PCDHA12: variants seen among roughly 807,000 people sequenced by gnomAD.
PCDHA12 encodes protocadherin alpha-12.
Under a neutral mutation model 60.0 loss-of-function variants are expected in PCDHA12, and 44 were observed. The observed-to-expected ratio is 0.73, with a 90% CI of 0.58 to 0.94. PCDHA12 has a LOEUF of 0.94. Ranked by LOEUF, PCDHA12 falls within the 40% of genes least tolerant of loss-of-function variation. The pLI, the probability that PCDHA12 is intolerant of heterozygous loss-of-function variation, is 0.00. For synonymous variants in PCDHA12, 569 were observed against 553.0 expected, an observed-to-expected ratio of 1.03 and a Z score of -0.40; for missense variants, 1,276 against 1,239.7, an observed-to-expected ratio of 1.03 and a Z score of -0.44.
chr5:140,969,557 A>G, intron 1 of PCDHA12: 2 of 1,212,410 alleles, frequency 1.6e-6, no homozygotes, highest in South Asian at 3.3e-5. Context: ...AGCCTTGTCC[A>G]TAAAATTGTT....
rs111528394 is a variant in PCDHA12 at position 140,995,338 on chromosome 5, C to T, written c.2515+12775C>T. Among the ~76,000 whole-genome samples the T allele has an allele frequency of 2.7e-4, 41 of 151,956 alleles. 1 individual carries two copies. Among genetic ancestry groups the T allele is most frequent in the Admixed American group, 6.6e-4 (10 of 15,254 alleles). On this transcript the variant is annotated intron_variant, in intron 3 of 3. Coordinates refer to ENST00000398631, the MANE Select transcript of PCDHA12 (RefSeq NM_018903.4). The stretch of plus-strand genomic sequence containing the variant: ...TGAACTAACAGGTGAGTAGTGTAGA[C>T]GGCATGGATAGGTCGGACAGAGGGA...
At position 140,877,652 on chromosome 5, in the gene PCDHA12, C is replaced by G. The variant is rs1456022709; in HGVS notation, c.2180C>G (p.Pro727Arg). Residue 727 changes from proline to arginine, a missense_variant, in exon 1 of 4, where the codon CCC (proline) becomes CGC (arginine). By Grantham distance (103) the Pro-to-Arg change is moderately radical. Coordinates refer to ENST00000398631, the MANE Select transcript of PCDHA12 (RefSeq NM_018903.4). ...ACTGCGCTGCGTTGCTCAGCGCCGC[C>G]CACCGTGAGCCGGTGCGCGCCGGGC... Reference protein sequence around the residue: ...LYTALRCSAPPTVSRCAPGKP... With the variant: ...LYTALRCSAPRTVSRCAPGKP... 1 of 1,613,520 alleles carries G rather than the reference C, an allele frequency of 6.2e-7. No homozygotes were observed. Among genetic ancestry groups the G allele is most frequent in the Non-Finnish European group, 8.5e-7 (1 of 1,179,754 alleles).
intron 1 of PCDHA12, among the ~76,000 whole-genome samples, chr5:140,956,511 T>C (rs1293826895): frequency 1.3e-5 from 2 of 152,218 alleles, no homozygotes. Flanking sequence ...TACTTGATCA[T>C]GGTGAATAAG....
In PCDHA12 at chr5:140,990,740, G is replaced by C. The variant is rs76434886; in HGVS notation, c.2515+8177G>C. Among the ~76,000 whole-genome samples the C allele has an allele frequency of 8.5e-3, 1,294 of 152,288 alleles. 21 individuals carry two copies. Among genetic ancestry groups the C allele is most frequent in the African/African-American group, 0.029 (1,222 of 41,552 alleles). ...ATCACTAGGTATATCAACAGCCCTA[G>C]GGTGGATACCTTTGAGCCTGTAAAT... On this transcript the variant is annotated intron_variant, in intron 3 of 3. Coordinates refer to ENST00000398631, the MANE Select transcript of PCDHA12 (RefSeq NM_018903.4).
At chr5:140,886,155 T>C (rs528104847) in intron 1 of PCDHA12, among the ~76,000 whole-genome samples, 1 of 152,212 alleles carries the variant, frequency 6.6e-6, no homozygotes, top group African/African-American at 2.4e-5. Context: ...CACCTTTTTA[T>C]AGCCACATCT....
At chr5:140,965,037 C>T (rs1260839947) in intron 1 of PCDHA12, among the ~76,000 whole-genome samples, 1 of 152,142 alleles carries the variant, frequency 6.6e-6, no homozygotes, top group African/African-American at 2.4e-5. Context: ...TAACTGTCCG[C>T]TCTAGGAGGG....
intron 1 of PCDHA12, among the ~76,000 whole-genome samples, chr5:140,976,116 A>G (rs781948908): frequency 1.2e-4 from 18 of 152,224 alleles, no homozygotes; most frequent in Non-Finnish European, 2.6e-4. Flanking sequence ...AATTTTTCCA[A>G]GTTTAATCAA....
chr5:140,876,044 T>G lies in PCDHA12; in HGVS notation c.572T>G (p.Leu191Trp). ...KIKTKKDKSI[L>W]PELVLRKLLD... The stretch of plus-strand genomic sequence containing the variant: ...AAAACAAAAAAAGATAAAAGTATAT[T>G]GCCTGAATTAGTTCTTCGGAAGTTA... Residue 191 changes from leucine (L) to tryptophan (W), a missense_variant, in exon 1 of 4, where the codon TTG becomes TGG. Coordinates refer to ENST00000398631, the MANE Select transcript of PCDHA12 (RefSeq NM_018903.4). The G allele has an allele frequency of 1.2e-6, 2 of 1,613,884 alleles. No homozygotes were observed. Among genetic ancestry groups the G allele is most frequent in the Non-Finnish European group, 1.7e-6 (2 of 1,179,888 alleles).
chr5:140,931,914 A>G (rs1374173998), intron 1 of PCDHA12, among the ~76,000 whole-genome samples: 2 of 151,960 alleles, frequency 1.3e-5, no homozygotes, highest in Non-Finnish European at 2.9e-5. Context: ...AAAGCATGAC[A>G]TTTAACAATG....
At chr5:140,998,738 A>G (rs1163158052) in intron 3 of PCDHA12, among the ~76,000 whole-genome samples, 1 of 151,972 alleles carries the variant, frequency 6.6e-6, no homozygotes, top group Non-Finnish European at 1.5e-5. Context: ...CTAATTTTGT[A>G]TTTTTAGAAG....
chr5:140,889,265 A>G (rs900785254), intron 1 of PCDHA12, among the ~76,000 whole-genome samples: 7 of 151,968 alleles, frequency 4.6e-5, no homozygotes, highest in African/African-American at 2.4e-5. Context: ...AAAAGTTTGT[A>G]TAATCTTTGA....
chr5:140,990,814 T>A (rs1184527701), intron 3 of PCDHA12, among the ~76,000 whole-genome samples: 1 of 152,184 alleles, frequency 6.6e-6, no homozygotes, highest in Non-Finnish European at 1.5e-5. Context: ...GAAGCTCCCT[T>A]CTCTCAGCTA....
rs1279359347 is a variant in PCDHA12 at position 141,012,130 on chromosome 5, C to T, written c.*2193C>T. ...ACTGAAGCCCATGTATCTGACCTTA[C>T]GTGCCTTTTGAACTAGGAGAATCGG... On this transcript the variant is annotated 3_prime_UTR_variant, in exon 4 of 4. Coordinates refer to ENST00000398631, the MANE Select transcript of PCDHA12 (RefSeq NM_018903.4). The T allele has an allele frequency of 2.0e-5, 3 of 153,796 alleles. No individual in the cohort carries two copies. The highest frequency in any genetic ancestry group is 1.9e-4 in the East Asian group (1 of 5,172). 9.5% of individuals were successfully genotyped at this position (153,796 alleles called of 1,614,324 possible). A position where few individuals can be genotyped will look rare whatever the true frequency, so the allele number is the denominator to read the frequency against.
At position 141,010,207 on chromosome 5, in the gene PCDHA12, A is replaced by C; in HGVS notation, c.*270A>C. The C allele has an allele frequency of 6.4e-7, 1 of 1,551,870 alleles. No homozygotes were observed. ...CCAAGTTTCCTTTCTCCTCCGCCGC[A>C]AAGGAGAGGCTTCCCAGCCCCGCCA... On this transcript the variant is annotated 3_prime_UTR_variant, in exon 4 of 4. Transcript: ENST00000398631.
intron 3 of PCDHA12, among the ~76,000 whole-genome samples, chr5:140,990,330 A>C (rs1554251426): frequency 6.6e-6 from 1 of 152,122 alleles, no homozygotes; most frequent in African/African-American, 2.4e-5. Context: ...AAACTTTAAA[A>C]ATAAGTAAAG....
rs199809889 is a variant in PCDHA12, at chr5:140,883,348, A to C, written c.2367+5509A>C. On this transcript the variant is annotated intron_variant, in intron 1 of 3. Transcript: ENST00000398631. ...TCACTTCTTTGTCACTCCCCATCAGAGAAGACACTCAGCCTAGCGCCATTA... is the reference window on the plus strand; with the variant it reads ...TCACTTCTTTGTCACTCCCCATCAGCGAAGACACTCAGCCTAGCGCCATTA... The C allele has an allele frequency of 1.9e-6, 3 of 1,614,172 alleles. No homozygotes were observed. In the African/African-American group the frequency reaches 4.0e-5, roughly 22 times the overall value.
At chr5:140,886,339 C>T (rs181002773) in intron 1 of PCDHA12, among the ~76,000 whole-genome samples, 87 of 151,982 alleles carry the variant, frequency 5.7e-4, no homozygotes, top group Non-Finnish European at 1.2e-3. Flanking sequence ...ATGTGCAGAA[C>T]GTGCAGGTTT....
chr5:140,925,671 A>G (rs999903876), intron 1 of PCDHA12, among the ~76,000 whole-genome samples: 5 of 148,178 alleles, frequency 3.4e-5, no homozygotes, highest in African/African-American at 1.2e-4. Flanking sequence ...TAATAATAAT[A>G]ATAATAAAGC....
intron 3 of PCDHA12, among the ~76,000 whole-genome samples, chr5:140,986,669 G>C (rs1448376850): frequency 6.6e-6 from 1 of 152,138 alleles, no homozygotes; most frequent in African/African-American, 2.4e-5. Flanking sequence ...ACAGTTTTCA[G>C]AAGAGTTCAG....
Sources: gnomAD v4.1 joint callset for allele counts (sites outside exome capture counted in the v4.1 genomes callset) on GRCh38, gnomAD v4.1.1 for gene constraint, MANE v1.5 for transcripts, NCBI Gene and HGNC (gene_info 2026-07-23, HGNC 2026-07-21) for gene names.